Variants in MMRN1 observed in about 807,000 individuals in gnomAD.
MMRN1 encodes the protein multimerin-1.
In MMRN1, 94 loss-of-function variants were observed where a neutral mutation model predicts 100.7. The ratio of observed to expected loss-of-function variants is 0.93; its 90% confidence interval spans 0.79 to 1.11. The LOEUF is 1.11. MMRN1 is among the 50% of genes least tolerant of loss of function. The probability of loss-of-function intolerance (pLI) is 0.00; values close to 1 mark genes in which losing one functional copy is unlikely to be tolerated. For synonymous variants in MMRN1, 575 were observed against 505.0 expected (o/e 1.14, Z -1.86); for missense variants, 1,606 against 1,439.1 (o/e 1.12, Z -1.88).
intron 4 of MMRN1, among the ~76,000 whole-genome samples, chr4:89,927,313 C>T (rs1364339112): frequency 2.6e-5 from 4 of 151,988 alleles, no homozygotes; most frequent in Non-Finnish European, 5.9e-5. Flanking sequence ...TTATAGTTTT[C>T]ATTATAGTGA....
Position 89,920,065 on chromosome 4 carries a change from C to CATGTTCTT in MMRN1, c.851-3101_851-3100insGTTCTTAT, listed in dbSNP as rs1722040098. 2.0e-5 allele frequency among the ~76,000 whole-genome samples: 3 copies of CATGTTCTT among 152,114 alleles called. No homozygotes were observed. In the South Asian group the frequency reaches 6.2e-4, roughly 32 times the overall value. ...ATGTTGCCACAGTAGGAATTCCATTCATCACATATCCTACAAAATACATCC... is the reference window on the plus strand; with the variant it reads ...ATGTTGCCACAGTAGGAATTCCATTCATGTTCTTATCACATATCCTACAAAATACATCC... On this transcript the variant is annotated intron_variant, in intron 3 of 7. Coordinates refer to ENST00000264790, the MANE Select transcript of MMRN1 (RefSeq NM_007351.3).
Position 89,901,030 on chromosome 4 carries a change from T to A in MMRN1, c.623+5436T>A, listed in dbSNP as rs188510588. On this transcript the variant is annotated intron_variant, in intron 1 of 7. Coordinates refer to ENST00000264790, the MANE Select transcript of MMRN1 (RefSeq NM_007351.3). ...TGAAATGCTGCTGAAAAAGACAAAA[T>A]GAGGACTGAAAAATAGCCACTATTT... Among the ~76,000 whole-genome samples, 898 of 151,082 alleles carry A rather than the reference T, an allele frequency of 5.9e-3. 7 individuals carry two copies. Among genetic ancestry groups the A allele is most frequent in the African/African-American group, 0.021 (857 of 41,140 alleles).
At chr4:89,901,469 A>C (rs1247752759) in intron 1 of MMRN1, among the ~76,000 whole-genome samples, 1 of 152,064 alleles carries the variant, frequency 6.6e-6, no homozygotes, top group Non-Finnish European at 1.5e-5. Context: ...CTGCTGTCAT[A>C]CTTTTTTTCT....
chr4:89,907,507 A>T (rs1171040030), intron 1 of MMRN1, among the ~76,000 whole-genome samples: 1 of 151,370 alleles, frequency 6.6e-6, no homozygotes, highest in East Asian at 1.9e-4. Flanking sequence ...AGCTTCTTAG[A>T]TATGAGGGTT....
chr4:89,891,757 T>A (rs1721060773), upstream of MMRN1, among the ~76,000 whole-genome samples: 1 of 152,084 alleles, frequency 6.6e-6, no homozygotes, highest in South Asian at 2.1e-4. Flanking sequence ...AGATATGTCT[T>A]ATGGAGGAAG....
Position 89,912,694 on chromosome 4 carries a change from A to T in MMRN1, c.850+644A>T, listed in dbSNP as rs1205222756. The stretch of plus-strand genomic sequence containing the variant: ...TTGAAAAATAAGATACAGCATCAGC[A>T]TACATATTTTAAATGAATGAATATT... On this transcript the variant is annotated intron_variant, in intron 3 of 7. Coordinates refer to ENST00000264790, the MANE Select transcript of MMRN1 (RefSeq NM_007351.3). Among the ~76,000 whole-genome samples the T allele has an allele frequency of 2.6e-5, 4 of 151,268 alleles. 1 individual carries two copies. Among genetic ancestry groups the T allele is most frequent in the African/African-American group, 9.7e-5 (4 of 41,338 alleles).
chr4:89,951,497 T>G, intron 6 of MMRN1, 108 bp from the exon 7 acceptor site: 1 of 1,199,932 alleles, frequency 8.3e-7, no homozygotes, highest in African/African-American at 1.6e-5. Flanking sequence ...CCCATTTTTC[T>G]TACTTAAAAT....
intron 6 of MMRN1, among the ~76,000 whole-genome samples, chr4:89,938,433 G>T (rs1056494918): frequency 6.9e-6 from 1 of 144,144 alleles, no homozygotes; most frequent in Non-Finnish European, 1.5e-5. Flanking sequence ...TAGCTATACA[G>T]CATGTGTGAC....
At chr4:89,902,678 A>G (rs1721431124) in intron 1 of MMRN1, among the ~76,000 whole-genome samples, 1 of 152,136 alleles carries the variant, frequency 6.6e-6, no homozygotes, top group South Asian at 2.1e-4. Context: ...CACTACAGAA[A>G]GCAAATAAAA....
At chr4:89,885,764 A>T (rs187636447) in intron 1 of MMRN1, among the ~76,000 whole-genome samples, 1 of 152,104 alleles carries the variant, frequency 6.6e-6, no homozygotes, top group Admixed American at 6.6e-5. Context: ...AACAGTTACT[A>T]TCTCTTCTCG....
In MMRN1 at chr4:89,913,051, A is replaced by G. The variant is rs560826306; in HGVS notation, c.850+1001A>G. Among the ~76,000 whole-genome samples, 222 of 151,412 alleles carry G rather than the reference A, an allele frequency of 1.5e-3. 1 individual carries two copies. The highest frequency in any genetic ancestry group is 5.1e-3 in the African/African-American group (213 of 41,454). ...ATAACCAGGTAAAATAAACTTTTAA[A>G]TAAAATATAATCTATGCTGAAAATA... is the stretch of plus-strand genomic sequence containing the variant. On this transcript the variant is annotated intron_variant, in intron 3 of 7. Coordinates refer to ENST00000264790, the MANE Select transcript of MMRN1 (RefSeq NM_007351.3).
chr4:89,939,758 A>G (rs1179121329), intron 6 of MMRN1, among the ~76,000 whole-genome samples: 3 of 152,134 alleles, frequency 2.0e-5, no homozygotes, highest in Admixed American at 1.3e-4. Context: ...CAGTCTGGCC[A>G]TATCTGAATA....
At position 89,935,585 on chromosome 4, in the gene MMRN1, G is replaced by A; in HGVS notation, c.1905G>A (p.Met635Ile). ...CAATGGACAATAAGATGGACAAAAT[G>A]AGTGAGCAACTAAATGATTTGACTT... is the stretch of plus-strand genomic sequence containing the variant. ...LFPMDNKMDK[M>I]SEQLNDLTYD... Residue 635 changes from methionine to isoleucine, a missense_variant, in exon 6 of 8, where the codon ATG (methionine) becomes ATA (isoleucine). Transcript: ENST00000264790. 1 of 1,613,492 alleles carries A rather than the reference G, an allele frequency of 6.2e-7. No homozygotes were observed. Among genetic ancestry groups the A allele is most frequent in the Non-Finnish European group, 8.5e-7 (1 of 1,179,730 alleles).
At chr4:89,899,683 A>C (rs140207485) in intron 1 of MMRN1, among the ~76,000 whole-genome samples, 4 of 152,062 alleles carry the variant, frequency 2.6e-5, no homozygotes, top group Non-Finnish European at 5.9e-5. Flanking sequence ...ATGTATCTTA[A>C]TTTTTACCAA....
chr4:89,944,712 A>C (rs1722934407), intron 6 of MMRN1, among the ~76,000 whole-genome samples: 1 of 152,182 alleles, frequency 6.6e-6, no homozygotes, highest in Non-Finnish European at 1.5e-5. Context: ...ATCAAAGAGC[A>C]GGGAGATTAC....
chr4:89,933,119 G>A (rs530171183), intron 5 of MMRN1, among the ~76,000 whole-genome samples: 373 of 152,200 alleles, frequency 2.5e-3, no homozygotes, highest in Non-Finnish European at 3.8e-3. Flanking sequence ...CTTCTGCCAG[G>A]TATCCTAAAT....
intron 6 of MMRN1, among the ~76,000 whole-genome samples, chr4:89,946,573 G>C (rs939885332): frequency 1.3e-5 from 2 of 152,118 alleles, no homozygotes; most frequent in Non-Finnish European, 2.9e-5. Context: ...TTCTGAATGA[G>C]CACTGAGGAA....
intron 1 of MMRN1, among the ~76,000 whole-genome samples, chr4:89,887,567 T>C (rs546087288): frequency 3.2e-4 from 48 of 152,192 alleles, no homozygotes; most frequent in African/African-American, 1.1e-3. Context: ...TATTATGTGT[T>C]CTTAACTGAG....
rs1488409926 is a variant in MMRN1 at position 89,940,476 on chromosome 4, G to GAAAAAAAAAAAA, written c.3118+3679_3118+3680insAAAAAAAAAAAA. Among the ~76,000 whole-genome samples, 455 of 152,090 alleles carry GAAAAAAAAAAAA rather than the reference G, an allele frequency of 3.0e-3. 2 individuals carry two copies. Among genetic ancestry groups the GAAAAAAAAAAAA allele is most frequent in the Non-Finnish European group, 5.7e-3 (387 of 67,972 alleles). ...ATATGCTATTTAAAAGAGAAAAAAT[G>GAAAAAAAAAAAA]AGGACCTAGTGAATATTTAACTGTC... On this transcript the variant is annotated intron_variant, in intron 6 of 7. Transcript: ENST00000264790.
Sources: gnomAD v4.1 joint callset for allele counts (sites outside exome capture counted in the v4.1 genomes callset) on GRCh38, gnomAD v4.1.1 for gene constraint, MANE v1.5 for transcripts, NCBI Gene and HGNC (gene_info 2026-07-23, HGNC 2026-07-21) for gene names.